Variants in ZSWIM5 observed in about 807,000 individuals in gnomAD.
The protein encoded by ZSWIM5 is zinc finger SWIM-type containing 5, also known as zinc finger SWIM domain-containing protein 5.
Under a neutral mutation model 119.6 loss-of-function variants are expected in ZSWIM5, and 55 were observed. The observed-to-expected ratio is 0.46, with a 90% CI of 0.37 to 0.58. The LOEUF (loss-of-function observed/expected upper bound fraction) is 0.58, where lower values mean the gene tolerates loss of function less well. ZSWIM5 is among the 20% of genes least tolerant of loss of function. ZSWIM5 has a pLI of 0.00. For synonymous variants in ZSWIM5, 537 were observed against 606.9 expected (o/e 0.88, Z 1.69); for missense variants, 1,193 against 1,512.8 (o/e 0.79, Z 3.51).
chr1:45,088,103 A>T lies in ZSWIM5; in HGVS notation c.730T>A (p.Tyr244Asn). Residue 244 changes from tyrosine to asparagine, a missense_variant, in exon 2 of 14, where the codon TAC becomes AAC. Tyr to Asn is a moderately radical substitution (Grantham distance 143). Transcript: ENST00000359600. This position sits in a 1 kb window ranked among gnomAD's most constrained non-coding sequence, Gnocchi z 4.2. Reference protein sequence around the residue: ...TCGCGNKDIFYCAHVVALSLY... With the variant: ...TCGCGNKDIFNCAHVVALSLY... ...GAGAGTGCTACCACATGGGCACAGT[A>T]GAATATGTCCTTGTTCCCACAGCCA... 6.2e-7 allele frequency: 1 copy of T among 1,614,214 alleles called. No individual in the cohort carries two copies. Among genetic ancestry groups the T allele is most frequent in the Non-Finnish European group, 8.5e-7 (1 of 1,180,026 alleles).
intron 2 of ZSWIM5, among the ~76,000 whole-genome samples, chr1:45,085,418 C>T (rs1301454297): frequency 6.6e-6 from 1 of 152,172 alleles, no homozygotes; most frequent in Non-Finnish European, 1.5e-5. Context: ...TGTATTCCTC[C>T]CCTGAAACGG....
chr1:45,091,405 C>A (rs1229934036), intron 1 of ZSWIM5, among the ~76,000 whole-genome samples: 2 of 151,686 alleles, frequency 1.3e-5, no homozygotes, highest in African/African-American at 2.4e-5. Flanking sequence ...GCCTGTAATC[C>A]CAGCACTGTG....
intron 4 of ZSWIM5, among the ~76,000 whole-genome samples, chr1:45,055,492 G>C (rs911534070): frequency 4.6e-5 from 7 of 152,160 alleles, no homozygotes; most frequent in African/African-American, 1.2e-4. Flanking sequence ...GGAAAACAAG[G>C]CTTTGGCAGG....
Position 45,206,192 on chromosome 1 carries a change from G to T in ZSWIM5, c.159C>A (p.Val53=), listed in dbSNP as rs768634679. ...GAGGVGSSCL[V]LGARPHLQPD... ...GCTGCAGGTGGGGGCGGGCCCCGAG[G>T]ACCAGGCAGCTGCTGCCGACGCCCC... The change falls in exon 1 of 14, where the codon GTC becomes GTA. Residue 53 remains valine, a synonymous_variant. Coordinates refer to ENST00000359600, the MANE Select transcript of ZSWIM5 (RefSeq NM_020883.2). 1 of 1,602,914 alleles carries T rather than the reference G, an allele frequency of 6.2e-7. No individual in the cohort carries two copies. The highest frequency in any genetic ancestry group is 1.1e-5 in the South Asian group (1 of 89,734).
chr1:45,087,454 C>A (rs1211972220), intron 2 of ZSWIM5, among the ~76,000 whole-genome samples: 1 of 152,198 alleles, frequency 6.6e-6, no homozygotes, highest in African/African-American at 2.4e-5. Flanking sequence ...CTAACACATG[C>A]TCCTTAGGAT....
At chr1:45,020,572 A>T in intron 12 of ZSWIM5, 53 bp downstream of exon 12, 3 of 1,579,450 alleles carry the variant, frequency 1.9e-6, no homozygotes, top group Non-Finnish European at 2.6e-6. Flanking sequence ...TCTTCTGCCA[A>T]CTGTCACTAG....
chr1:45,035,602 G>T (rs1028009818), intron 10 of ZSWIM5, 86 bp downstream of exon 10: 2 of 1,528,910 alleles, frequency 1.3e-6, no homozygotes, highest in African/African-American at 2.8e-5. Context: ...AAGAGGGAAA[G>T]AAAAGAAAGT....
At chr1:45,103,528 T>C (rs1233478890) in intron 1 of ZSWIM5, among the ~76,000 whole-genome samples, 1 of 152,234 alleles carries the variant, frequency 6.6e-6, no homozygotes, top group Non-Finnish European at 1.5e-5. Flanking sequence ...TAAATATGAC[T>C]CTGAAGTTTA....
intron 2 of ZSWIM5, among the ~76,000 whole-genome samples, chr1:45,081,760 G>A (rs978709329): frequency 2.0e-5 from 3 of 152,052 alleles, no homozygotes; most frequent in Non-Finnish European, 2.9e-5. Flanking sequence ...GAGCGTCTCT[G>A]CCTGGCCACC....
intron 12 of ZSWIM5, 24 bp from the exon 13 acceptor site, chr1:45,020,171 A>C: frequency 6.2e-7 from 1 of 1,606,742 alleles, no homozygotes. Flanking sequence ...AGGCCTTTCC[A>C]GTGGGCTATG....
intron 1 of ZSWIM5, among the ~76,000 whole-genome samples, chr1:45,142,216 A>T (rs1359742981): frequency 6.6e-6 from 1 of 152,224 alleles, no homozygotes; most frequent in African/African-American, 2.4e-5. Context: ...GTCTCAAAAA[A>T]ATTAATAAAT....
At chr1:45,190,217 C>T (rs1646083050) in intron 1 of ZSWIM5, among the ~76,000 whole-genome samples, 1 of 151,980 alleles carries the variant, frequency 6.6e-6, no homozygotes, top group Non-Finnish European at 1.5e-5. Flanking sequence ...CCCAGCTACT[C>T]GGGAGGCTGA....
intron 2 of ZSWIM5, among the ~76,000 whole-genome samples, chr1:45,069,356 G>A (rs936547222): frequency 6.6e-6 from 1 of 151,788 alleles, no homozygotes; most frequent in Non-Finnish European, 1.5e-5. Context: ...AACCCGGGAG[G>A]CGGAGCTTGC....
chr1:45,160,438 T>G (rs938314280), intron 1 of ZSWIM5, among the ~76,000 whole-genome samples: 5 of 152,128 alleles, frequency 3.3e-5, no homozygotes, highest in Admixed American at 2.0e-4. Context: ...TTCCTACTCA[T>G]GTACTCCTCC....
chr1:45,044,737 AAAAAAAAAAAT>A (rs1280695040), intron 5 of ZSWIM5, among the ~76,000 whole-genome samples: 2 of 16,074 alleles, frequency 1.2e-4, no homozygotes, highest in Non-Finnish European at 2.7e-4. Context: ...AAAAAAAAAA[AAAAAAAAAAAT>A]ATATATATAT....
At chr1:45,135,924 G>C (rs1645686449) in intron 1 of ZSWIM5, among the ~76,000 whole-genome samples, 1 of 151,730 alleles carries the variant, frequency 6.6e-6, no homozygotes, top group Non-Finnish European at 1.5e-5. Flanking sequence ...GCAGTGGTGT[G>C]ATCTAGGCTC....
At chr1:45,034,666 T>C (rs1302976237) in intron 10 of ZSWIM5, among the ~76,000 whole-genome samples, 197 bp from the exon 11 acceptor site, 3 of 152,202 alleles carry the variant, frequency 2.0e-5, no homozygotes, top group African/African-American at 7.2e-5. Flanking sequence ...CAACGCTGAA[T>C]AGTTTCCACT....
intron 1 of ZSWIM5, 23 bp downstream of exon 1, chr1:45,205,733 A>C: frequency 6.5e-7 from 1 of 1,540,800 alleles, no homozygotes. Context: ...TGAGGACCCG[A>C]GAACGCCTGG....
At chr1:45,195,079 G>A (rs1411257308) in intron 1 of ZSWIM5, among the ~76,000 whole-genome samples, 1 of 151,928 alleles carries the variant, frequency 6.6e-6, no homozygotes, top group African/African-American at 2.4e-5. Flanking sequence ...ACAGAACATT[G>A]TGGTAAATGC....
Sources: gnomAD v4.1 joint callset for allele counts (sites outside exome capture counted in the v4.1 genomes callset) on GRCh38, gnomAD v4.1.1 for gene constraint, Gnocchi (gnomAD v3.1) non-coding constraint, MANE v1.5 for transcripts, NCBI Gene and HGNC (gene_info 2026-07-23, HGNC 2026-07-21) for gene names.